SH2D4A: variants seen among roughly 807,000 people sequenced by gnomAD.
SH2D4A encodes the protein SH2 domain containing 4A.
In SH2D4A, 70 loss-of-function variants were observed where a neutral mutation model predicts 64.7. The ratio of observed to expected loss-of-function variants is 1.08; its 90% CI spans 0.89 to 1.32. The LOEUF is 1.32. SH2D4A is among the 40% of genes most tolerant of loss of function. The pLI is 0.00. For missense variants in SH2D4A, 706 were observed against 540.1 expected (o/e 1.31, Z -3.04); for synonymous variants, 268 against 200.7 (o/e 1.34, Z -2.83).
intron 1 of SH2D4A, among the ~76,000 whole-genome samples, chr8:19,316,806 G>A (rs951863862): frequency 3.9e-5 from 6 of 152,206 alleles, no homozygotes; most frequent in Admixed American, 1.3e-4. Context: ...CGGCTCTGCC[G>A]CTTACCAGCT....
At chr8:19,374,664 G>A (rs1317067) in intron 8 of SH2D4A, among the ~76,000 whole-genome samples, 26 of 152,242 alleles carry the variant, frequency 1.7e-4, no homozygotes, top group Admixed American at 1.4e-3. Flanking sequence ...ACTGTCTGGC[G>A]TCTCTTGGAA....
intron 8 of SH2D4A, among the ~76,000 whole-genome samples, chr8:19,376,247 G>A (rs1018515518): frequency 1.3e-5 from 2 of 152,100 alleles, no homozygotes; most frequent in South Asian, 2.1e-4. Context: ...AGCCTTTGAC[G>A]TAGGAAGGCC....
Position 19,394,546 on chromosome 8 carries a change from A to G in SH2D4A, c.1273-4A>G, listed in dbSNP as rs771666556. On this transcript the variant is annotated splice_polypyrimidine_tract_variant and splice_region_variant and intron_variant, in intron 9 of 9. Transcript: ENST00000265807. ...TATCTGACCCCGTGCCTTCTGATTG[A>G]CAGGAGGAACCCATCACTTCCCTGG... 4.4e-6 allele frequency: 7 copies of G among 1,600,448 alleles called. No homozygotes were observed. The highest frequency in any genetic ancestry group is 5.1e-6 in the Non-Finnish European group (6 of 1,171,780).
At position 19,319,651 on chromosome 8, in the gene SH2D4A, A is replaced by T; in HGVS notation, c.104A>T (p.Gln35Leu). ...CTGTTCTTCAAGATGAGAGAGGAAC[A>T]GATCCGACGATGGAAAGAAAGAGAA... ...QILFFKMREE[Q>L]IRRWKEREAA... The change falls in exon 2 of 10, where the codon CAG (glutamine) becomes CTG (leucine). Residue 35 changes from glutamine (Q) to leucine (L), a missense_variant. Gln to Leu is a moderately radical substitution (Grantham distance 113). Transcript: ENST00000265807. The T allele has an allele frequency of 6.2e-7, 1 of 1,611,722 alleles. No individual in the cohort carries two copies. The highest frequency in any genetic ancestry group is 2.2e-5 in the East Asian group (1 of 44,690).
chr8:19,314,039 TGTC>T (rs2052042951), intron 1 of SH2D4A: 2 of 1,135,368 alleles, frequency 1.8e-6, no homozygotes, highest in African/African-American at 1.7e-5. Flanking sequence ...GGGTGTCCGG[TGTC>T]CGGTGTCCGG....
intron 8 of SH2D4A, among the ~76,000 whole-genome samples, chr8:19,377,493 A>G (rs2053215256): frequency 6.6e-6 from 1 of 152,166 alleles, no homozygotes; most frequent in African/African-American, 2.4e-5. Flanking sequence ...ATTTCCATCC[A>G]TATTTTATAT....
At chr8:19,369,475 T>C (rs1308722561) in intron 7 of SH2D4A, among the ~76,000 whole-genome samples, 2 of 152,102 alleles carry the variant, frequency 1.3e-5, no homozygotes, top group Non-Finnish European at 2.9e-5. Flanking sequence ...CTGGGCTTTT[T>C]TTGATAGGAC....
intron 7 of SH2D4A, among the ~76,000 whole-genome samples, chr8:19,366,096 TGGTC>T (rs1392893634): frequency 2.6e-5 from 4 of 152,172 alleles, no homozygotes; most frequent in African/African-American, 9.7e-5. Context: ...AACCATAAGT[TGGTC>T]AATTACAATA....
At chr8:19,393,231 A>T in intron 8 of SH2D4A, 87 bp from the exon 9 acceptor site, 4 of 1,215,996 alleles carry the variant, frequency 3.3e-6, no homozygotes, top group Non-Finnish European at 4.8e-6. Flanking sequence ...GGCGTCATTG[A>T]CTCTATATCC....
chr8:19,327,859 C>T (rs1366911191), intron 2 of SH2D4A, among the ~76,000 whole-genome samples: 1 of 152,174 alleles, frequency 6.6e-6, no homozygotes, highest in Non-Finnish European at 1.5e-5. Flanking sequence ...CCCTTCCATC[C>T]CGCCTTTGTA....
chr8:19,348,624 A>G (rs1265817478), intron 4 of SH2D4A, among the ~76,000 whole-genome samples: 1 of 152,234 alleles, frequency 6.6e-6, no homozygotes, highest in African/African-American at 2.4e-5. Context: ...AGTTACTGAG[A>G]TCAGAAGACG....
chr8:19,333,901 T>C (rs1289815969), intron 3 of SH2D4A, among the ~76,000 whole-genome samples: 1 of 152,158 alleles, frequency 6.6e-6, no homozygotes, highest in Admixed American at 6.5e-5. Flanking sequence ...GATGGTTCTT[T>C]GGGGAATGAT....
Position 19,324,442 on chromosome 8 carries a change from A to G in SH2D4A, c.181+4714A>G, listed in dbSNP as rs151009013. On this transcript the variant is annotated intron_variant, in intron 2 of 9. Coordinates refer to ENST00000265807, the MANE Select transcript of SH2D4A (RefSeq NM_022071.4). ...AATGTTAAGGCCATTGGTTCATGCC[A>G]TTGACAGTGTTTGCCTCCCTGTCTT... is the stretch of plus-strand genomic sequence containing the variant. Among the ~76,000 whole-genome samples the G allele has an allele frequency of 2.8e-3, 420 of 152,248 alleles. 1 individual carries two copies. Among genetic ancestry groups the G allele is most frequent in the Admixed American group, 5.9e-3 (90 of 15,292 alleles).
intron 8 of SH2D4A, among the ~76,000 whole-genome samples, chr8:19,377,377 T>C (rs1009491902): frequency 2.0e-5 from 3 of 152,180 alleles, no homozygotes; most frequent in African/African-American, 7.2e-5. Flanking sequence ...TAAGACTCCA[T>C]CTCAGAAAAG....
chr8:19,314,539 G>A (rs2052053836), intron 1 of SH2D4A, among the ~76,000 whole-genome samples: 1 of 152,128 alleles, frequency 6.6e-6, no homozygotes, highest in African/African-American at 2.4e-5. Flanking sequence ...GGGTCACGCG[G>A]GCACCGGAAG....
At chr8:19,328,650 T>C (rs1056116150) in intron 2 of SH2D4A, among the ~76,000 whole-genome samples, 1 of 152,200 alleles carries the variant, frequency 6.6e-6, no homozygotes, top group African/African-American at 2.4e-5. Flanking sequence ...ATCCTGTATA[T>C]ACTGACATGC....
intron 1 of SH2D4A, among the ~76,000 whole-genome samples, chr8:19,318,048 C>G (rs2052120523): frequency 6.6e-6 from 1 of 151,974 alleles, no homozygotes. Flanking sequence ...TTACAGGCAC[C>G]CACCACCATG....
intron 4 of SH2D4A, among the ~76,000 whole-genome samples, chr8:19,336,736 G>A (rs775148995): frequency 8.5e-5 from 13 of 152,070 alleles, no homozygotes; most frequent in South Asian, 2.1e-4. Context: ...GCATGGTGGT[G>A]CATGCCTGTA....
intron 7 of SH2D4A, among the ~76,000 whole-genome samples, chr8:19,365,127 G>A (rs1417738981): frequency 6.6e-6 from 1 of 152,286 alleles, no homozygotes; most frequent in East Asian, 1.9e-4. Flanking sequence ...CTAAGATTAT[G>A]GAGAAATGAA....
Sources: allele counts gnomAD v4.1 joint callset (sites outside exome capture counted in the v4.1 genomes callset), GRCh38; gene constraint gnomAD v4.1.1; transcripts MANE v1.5; gene names NCBI Gene and HGNC (gene_info 2026-07-23, HGNC 2026-07-21).